Variants in PCAT6 observed in about 807,000 individuals in gnomAD.
PCAT6 encodes the protein KDM5B antisense RNA 1 (head to head).
exon 1 of PCAT6, chr1:202,811,146 A>C (rs1199437349): frequency 7.6e-6 from 3 of 395,610 alleles, no homozygotes; most frequent in East Asian, 7.2e-5. Context: ...CTCTTGGACA[A>C]CACTCCGCCC....
chr1:202,811,081 C>T (rs1658538730), exon 1 of PCAT6: 1 of 375,144 alleles, frequency 2.7e-6, no homozygotes, highest in Non-Finnish European at 4.7e-6. Context: ...CCCAGGCGGC[C>T]GGAGCGGAAC....
At chr1:202,811,226 G>C in exon 1 of PCAT6, 1 of 398,478 alleles carries the variant, frequency 2.5e-6, no homozygotes, top group African/African-American at 2.1e-5. Flanking sequence ...ACATCCCTAG[G>C]TGTCTCCATC....
At chr1:202,811,111 C>A in exon 1 of PCAT6, 1 of 389,606 alleles carries the variant, frequency 2.6e-6, no homozygotes, top group African/African-American at 2.1e-5. Context: ...CTCCGAGTGC[C>A]ACGTCTCCAG....
chr1:202,811,088 G>C, exon 1 of PCAT6: 1 of 380,330 alleles, frequency 2.6e-6, no homozygotes, highest in East Asian at 3.7e-5. Flanking sequence ...GGCCGGAGCG[G>C]AACCCAGCCC....
rs372368555 is a variant in PCAT6, at chr1:202,811,014, G to A, written n.132G>A. The A allele has an allele frequency of 2.4e-4, 67 of 274,326 alleles. No individual in the cohort carries two copies. The South Asian group carries it at 4.2e-3, about 17-fold the overall frequency. The allele number at this position is 274,326 out of a possible 1,614,324, so 17.0% of individuals were successfully genotyped here. ...CCGGGGCCGGAGCTCCCAGAGGGCTGGGTGCGAGGCCTAGGCGGGGTCAGG... is the reference window on the plus strand; with the variant it reads ...CCGGGGCCGGAGCTCCCAGAGGGCTAGGTGCGAGGCCTAGGCGGGGTCAGG... On this transcript the variant is annotated non_coding_transcript_exon_variant, in exon 1 of 1. Transcript: ENST00000686658.
At chr1:202,811,638 C>T in exon 1 of PCAT6, 1 of 379,604 alleles carries the variant, frequency 2.6e-6, no homozygotes, top group Non-Finnish European at 4.7e-6. Flanking sequence ...GCTCGTGCTT[C>T]TACCACCACC....
At chr1:202,811,533 G>A in exon 1 of PCAT6, 1 of 397,198 alleles carries the variant, frequency 2.5e-6, no homozygotes. Flanking sequence ...GCACGTGTAG[G>A]GTCCGCTCCC....
chr1:202,811,044 G>T (rs186132623), exon 1 of PCAT6: 99 of 333,372 alleles, frequency 3.0e-4, no homozygotes, highest in African/African-American at 1.9e-3. Flanking sequence ...GTCAGGTTCG[G>T]GTTCCTAGGC....
At chr1:202,811,417 G>A (rs751068224) in exon 1 of PCAT6, 66 of 398,582 alleles carry the variant, frequency 1.7e-4, no homozygotes, top group Non-Finnish European at 2.7e-4. Flanking sequence ...AACTTGGGGG[G>A]ACTTCCTCCC....
exon 1 of PCAT6, chr1:202,811,527 G>A (rs1056923257): frequency 3.3e-5 from 13 of 397,194 alleles, no homozygotes; most frequent in Non-Finnish European, 4.9e-5. Flanking sequence ...CGTAGCGCAC[G>A]TGTAGGGTCC....
exon 1 of PCAT6, chr1:202,810,963 A>C: frequency 4.9e-6 from 1 of 204,252 alleles, no homozygotes. Flanking sequence ...CAGAGGCCGG[A>C]CCTGGGCAAC....
exon 1 of PCAT6, chr1:202,811,761 A>C: frequency 4.6e-6 from 1 of 215,704 alleles, no homozygotes. Flanking sequence ...CAATGCCATC[A>C]TCTCTCCTCA....
exon 1 of PCAT6, chr1:202,810,990 C>G (rs759246252): frequency 5.5e-5 from 13 of 237,284 alleles, no homozygotes; most frequent in Non-Finnish European, 7.3e-5. Flanking sequence ...CTGGAGGTGC[C>G]GGGGCCGGAG....
At chr1:202,811,502 G>A in exon 1 of PCAT6, 1 of 397,778 alleles carries the variant, frequency 2.5e-6, no homozygotes. Context: ...GGGCTCCCCA[G>A]CGGCCGGCGC....
At chr1:202,811,351 C>G in exon 1 of PCAT6, 1 of 398,708 alleles carries the variant, frequency 2.5e-6, no homozygotes. Flanking sequence ...GGTGATGAGG[C>G]GCTCCTCGCG....
At chr1:202,811,177 C>T in exon 1 of PCAT6, 1 of 396,536 alleles carries the variant, frequency 2.5e-6, no homozygotes, top group Non-Finnish European at 4.4e-6. Context: ...CTCCGTCCCC[C>T]AAACCGCCCT....
At chr1:202,811,126 C>G (rs1272540830) in exon 1 of PCAT6, 1 of 393,488 alleles carries the variant, frequency 2.5e-6, no homozygotes, top group African/African-American at 2.1e-5. Context: ...CTCCAGGAAC[C>G]CCCTCCTTAC....
At chr1:202,811,424 T>TCCCTC (rs979548979) in exon 1 of PCAT6, 11 of 398,418 alleles carry the variant, frequency 2.8e-5, no homozygotes, top group Non-Finnish European at 4.4e-5. Context: ...GGGGACTTCC[T>TCCCTC]CCCTCCCCTC....
At chr1:202,811,124 A>AC in exon 1 of PCAT6, 1 of 385,664 alleles carries the variant, frequency 2.6e-6, no homozygotes, top group Non-Finnish European at 4.6e-6. Context: ...GTCTCCAGGA[A>AC]CCCCCTCCTT....
Sources: allele counts gnomAD v4.1 joint callset, GRCh38; gene constraint gnomAD v4.1.1; transcripts MANE v1.5; gene names NCBI Gene and HGNC (gene_info 2026-07-23, HGNC 2026-07-21).